PALLD: variants seen among roughly 807,000 people sequenced by gnomAD.
The protein encoded by PALLD is palladin, cytoskeletal associated protein.
A neutral mutation model predicts 123.5 loss-of-function variants in PALLD; 61 were observed. The observed-to-expected ratio is 0.49, with a 90% CI of 0.40 to 0.61. PALLD has a LOEUF of 0.61. Among genes scored for constraint, PALLD ranks in the 20% least tolerant of loss-of-function variants. The pLI, the probability that PALLD is intolerant of heterozygous loss-of-function variation, is 0.00. For missense variants in PALLD, 1,273 were observed against 1,377.0 expected, an observed-to-expected ratio of 0.92 and a Z score of 1.20; for synonymous variants, 465 against 496.4, an observed-to-expected ratio of 0.94 and a Z score of 0.84.
At chr4:168,701,631 C>T (rs1783678010) in intron 8 of PALLD, among the ~76,000 whole-genome samples, 1 of 152,172 alleles carries the variant, frequency 6.6e-6, no homozygotes, top group Admixed American at 6.5e-5. Context: ...ATGTAGGTTT[C>T]AAGGCACAGA....
intron 2 of PALLD, among the ~76,000 whole-genome samples, chr4:168,567,542 G>GGT (rs61409598): frequency 0.081 from 11,835 of 145,492 alleles, 494 homozygotes; most frequent in Middle Eastern, 0.12. Context: ...AAGAAAATGT[G>GGT]GTGTGTGTGT....
chr4:168,624,089 T>C (rs1323910396), intron 2 of PALLD, among the ~76,000 whole-genome samples: 1 of 152,078 alleles, frequency 6.6e-6, no homozygotes, highest in African/African-American at 2.4e-5. Flanking sequence ...TTCCAAAAGA[T>C]AGAAACATTA....
In PALLD at chr4:168,751,016, A is replaced by ATT. The variant is rs748523240; in HGVS notation, c.1964+39105_1964+39106dup. 3.3e-3 allele frequency among the ~76,000 whole-genome samples: 463 copies of ATT among 142,160 alleles called. 1 individual carries two copies. The highest frequency in any genetic ancestry group is 0.019 in the East Asian group (94 of 4,868). 93.3% of individuals were successfully genotyped at this position (142,160 alleles called of 152,430 possible). ...TGTGTGTGTGTGTGTCTGCGTGTGT[A>ATT]TTTTTTTTTTTTTGAGATGGAGTTT... On this transcript the variant is annotated intron_variant, in intron 10 of 21. Transcript: ENST00000505667.
At chr4:168,736,460 G>A (rs1561463682) in intron 10 of PALLD, among the ~76,000 whole-genome samples, 1 of 152,218 alleles carries the variant, frequency 6.6e-6, no homozygotes, top group Non-Finnish European at 1.5e-5. Flanking sequence ...TGGGGCAGAA[G>A]CAATACATTT....
chr4:168,921,450 A>C, intron 17 of PALLD, 84 bp from the exon 18 acceptor site: 1 of 688,676 alleles, frequency 1.5e-6, no homozygotes, highest in Non-Finnish European at 2.5e-6. Flanking sequence ...CTACTGAAGG[A>C]GGAATTTATG....
At chr4:168,560,091 A>C (rs1187771426) in intron 2 of PALLD, among the ~76,000 whole-genome samples, 1 of 152,166 alleles carries the variant, frequency 6.6e-6, no homozygotes, top group African/African-American at 2.4e-5. Context: ...TGTCAGGTAG[A>C]GTATAAAGGG....
At chr4:168,873,583 T>C (rs1560830485) in intron 10 of PALLD, among the ~76,000 whole-genome samples, 2 of 152,236 alleles carry the variant, frequency 1.3e-5, no homozygotes, top group South Asian at 4.1e-4. Flanking sequence ...TACTTTCACA[T>C]CATTTATTTT....
At chr4:168,885,316 T>A (rs1753180137) in intron 10 of PALLD, 1 of 152,192 alleles carries the variant, frequency 6.6e-6, no homozygotes, top group Admixed American at 6.5e-5. Context: ...TCCTTTAGGA[T>A]GTGGGGGGGT....
intron 10 of PALLD, among the ~76,000 whole-genome samples, chr4:168,843,695 G>C (rs1561590446): frequency 6.6e-6 from 1 of 152,106 alleles, no homozygotes; most frequent in African/African-American, 2.4e-5. Flanking sequence ...TGGGGTGTTT[G>C]AGAAAATGGA....
chr4:168,575,679 A>G (rs1323979883), intron 2 of PALLD, among the ~76,000 whole-genome samples: 1 of 152,044 alleles, frequency 6.6e-6, no homozygotes, highest in Non-Finnish European at 1.5e-5. Flanking sequence ...CCTGGTCTAC[A>G]ATGCTTCTCT....
intron 10 of PALLD, among the ~76,000 whole-genome samples, chr4:168,752,247 G>A (rs1444991429): frequency 4.6e-5 from 7 of 152,192 alleles, no homozygotes; most frequent in South Asian, 2.1e-4. Flanking sequence ...GGCGGCATGC[G>A]CCTGTAGTCC....
In PALLD at chr4:168,844,597, C is replaced by A. The variant is rs1035911742; in HGVS notation, c.1965-46325C>A. 1 of 152,068 alleles carries A rather than the reference C, an allele frequency of 6.6e-6. No individual in the cohort carries two copies. Among genetic ancestry groups the A allele is most frequent in the Admixed American group, 6.6e-5 (1 of 15,260 alleles). 9.4% of individuals were successfully genotyped at this position (152,068 alleles called of 1,614,324 possible). A position where few individuals can be genotyped will look rare whatever the true frequency, so the allele number is the denominator to read the frequency against. Reference sequence around the variant, plus strand: ...AAGACCCTGTGATTTCTGTGGTATTCTAATTTTATCTGAGATTTATTAGAA... The same window carrying A: ...AAGACCCTGTGATTTCTGTGGTATTATAATTTTATCTGAGATTTATTAGAA... On this transcript the variant is annotated intron_variant, in intron 10 of 21. Coordinates refer to ENST00000505667, the MANE Select transcript of PALLD (RefSeq NM_001166108.2). This position sits in a 1 kb window ranked among gnomAD's most constrained non-coding sequence, Gnocchi z 4.5.
chr4:168,505,302 CG>C (rs1462865013), intron 1 of PALLD, among the ~76,000 whole-genome samples: 3 of 152,170 alleles, frequency 2.0e-5, no homozygotes, highest in African/African-American at 7.2e-5. Context: ...TGTCAGATGG[CG>C]CCTCTTTAAA....
intron 10 of PALLD, among the ~76,000 whole-genome samples, chr4:168,739,946 GAT>G (rs1387455922): frequency 1.3e-5 from 2 of 152,158 alleles, no homozygotes; most frequent in Non-Finnish European, 2.9e-5. Flanking sequence ...TGATTTGAAA[GAT>G]ACCATTGTTT....
intron 1 of PALLD, 42 bp from the exon 2 acceptor site, chr4:168,511,381 A>G (rs1373064064): frequency 1.5e-5 from 11 of 712,024 alleles, no homozygotes; most frequent in African/African-American, 7.1e-5. Flanking sequence ...TAAAATGGGG[A>G]AAAAATCATT....
intron 10 of PALLD, among the ~76,000 whole-genome samples, chr4:168,808,631 CA>C (rs1342521082): frequency 1.3e-5 from 2 of 152,134 alleles, no homozygotes; most frequent in East Asian, 1.9e-4. Context: ...GGGCAATTTA[CA>C]AAAGAGATTT....
intron 12 of PALLD, 94 bp from the exon 13 acceptor site, chr4:168,896,455 A>T (rs1244727565): frequency 1.3e-6 from 1 of 753,480 alleles, no homozygotes; most frequent in Non-Finnish European, 2.3e-6. Context: ...GCATATTGCT[A>T]GCACAAAAGT....
chr4:168,685,355 G>GATGTATGGTGGTACTTTC, intron 5 of PALLD, 130 bp from the exon 6 acceptor site: 1 of 750,624 alleles, frequency 1.3e-6, no homozygotes, highest in Admixed American at 1.8e-5. Context: ...CGAGCAAAAT[G>GATGTATGGTGGTACTTTC]ATGTATGGTG....
intron 8 of PALLD, among the ~76,000 whole-genome samples, chr4:168,702,734 A>G (rs1215112555): frequency 6.6e-6 from 1 of 152,026 alleles, no homozygotes; most frequent in Non-Finnish European, 1.5e-5. Context: ...CTGATCTTGT[A>G]TGTCCCCTTC....
Sources: allele counts gnomAD v4.1 joint callset (sites outside exome capture counted in the v4.1 genomes callset), GRCh38; gene constraint gnomAD v4.1.1; non-coding constraint Gnocchi (gnomAD v3.1); transcripts MANE v1.5; gene names NCBI Gene and HGNC (gene_info 2026-07-23, HGNC 2026-07-21).